The following PPP1R12B variants were observed in gnomAD, a reference collection of about 807,000 sequenced individuals.
PPP1R12B encodes protein phosphatase 1 regulatory subunit 12B.
In PPP1R12B, 76 loss-of-function variants were observed where a neutral mutation model predicts 126.1. That is an observed-to-expected ratio of 0.60 (90% confidence interval 0.50 to 0.73). The LOEUF is 0.73. Ranked by LOEUF, PPP1R12B falls within the 30% of genes least tolerant of loss-of-function variation. The pLI, the probability that PPP1R12B is intolerant of heterozygous loss-of-function variation, is 0.00. For missense variants in PPP1R12B, 1,052 were observed against 1,205.1 expected (o/e 0.87, Z 1.88); for synonymous variants, 356 against 434.7 (o/e 0.82, Z 2.25).
At chr1:202,576,238 C>G (rs1384850679) in intron 23 of PPP1R12B, 1 of 152,226 alleles carries the variant, frequency 6.6e-6, no homozygotes, top group Non-Finnish European at 1.5e-5. Context: ...GCTTGGCAAA[C>G]TGGATCCTTT....
chr1:202,522,710 A>AT (rs2148918477), intron 18 of PPP1R12B, among the ~76,000 whole-genome samples: 1 of 152,302 alleles, frequency 6.6e-6, no homozygotes, highest in South Asian at 2.1e-4. Flanking sequence ...AAATACAAGT[A>AT]TAAGACAGGA....
At chr1:202,382,882 A>T (rs924229209) in intron 1 of PPP1R12B, among the ~76,000 whole-genome samples, 1 of 152,074 alleles carries the variant, frequency 6.6e-6, no homozygotes, top group African/African-American at 2.4e-5. Flanking sequence ...TCTCAAAAAA[A>T]AAAAAAAGGT....
At chr1:202,468,166 T>A (rs1293486416) in intron 13 of PPP1R12B, among the ~76,000 whole-genome samples, 7 of 152,254 alleles carry the variant, frequency 4.6e-5, no homozygotes, top group East Asian at 1.9e-4. Flanking sequence ...TTCTCCCATT[T>A]TGTAGGTTGC....
At chr1:202,439,042 C>T in intron 10 of PPP1R12B, 1 of 1,379,812 alleles carries the variant, frequency 7.2e-7, no homozygotes, top group Non-Finnish European at 1.0e-6. Context: ...GGGCGGACTT[C>T]ATCCTGGCCG....
intron 12 of PPP1R12B, among the ~76,000 whole-genome samples, chr1:202,444,451 C>CTT (rs1235287221): frequency 6.2e-4 from 94 of 152,294 alleles, no homozygotes; most frequent in African/African-American, 2.1e-3. Context: ...AGACTTAAAA[C>CTT]TAAATCCTCC....
chr1:202,548,816 A>C (rs954219842), intron 18 of PPP1R12B, among the ~76,000 whole-genome samples: 3,399 of 120,078 alleles, frequency 0.028, 38 homozygotes, highest in African/African-American at 0.047. Flanking sequence ...CTCTATATAT[A>C]TATATATATA....
At chr1:202,490,157 G>A (rs1678668963) in intron 14 of PPP1R12B, among the ~76,000 whole-genome samples, 3 of 152,200 alleles carry the variant, frequency 2.0e-5, no homozygotes, top group Non-Finnish European at 4.4e-5. Flanking sequence ...CCATGAAACA[G>A]AACGAAAAGA....
chr1:202,366,396 G>A (rs1269677453), intron 1 of PPP1R12B, among the ~76,000 whole-genome samples: 1 of 151,814 alleles, frequency 6.6e-6, no homozygotes, highest in Non-Finnish European at 1.5e-5. Context: ...GCACATGCCT[G>A]TAATCCCAGC....
intron 18 of PPP1R12B, among the ~76,000 whole-genome samples, chr1:202,524,952 A>T (rs1014040405): frequency 1.3e-5 from 2 of 152,134 alleles, no homozygotes; most frequent in African/African-American, 4.8e-5. Flanking sequence ...ATCTTGGCTC[A>T]CTGCAACCTC....
intron 1 of PPP1R12B, among the ~76,000 whole-genome samples, chr1:202,398,841 C>T (rs1157781327): frequency 1.3e-5 from 2 of 152,150 alleles, no homozygotes; most frequent in African/African-American, 4.8e-5. Context: ...TGATGATTGA[C>T]TATTTCCTTA....
intron 19 of PPP1R12B, 73 bp downstream of exon 19, chr1:202,558,966 T>C: frequency 4.3e-6 from 6 of 1,406,714 alleles, no homozygotes; most frequent in Non-Finnish European, 5.8e-6. Context: ...AACTTAGCTT[T>C]ATATAATAAT....
intron 13 of PPP1R12B, among the ~76,000 whole-genome samples, chr1:202,464,877 T>C (rs1171982174): frequency 6.6e-6 from 1 of 152,184 alleles, no homozygotes; most frequent in Non-Finnish European, 1.5e-5. Flanking sequence ...TGAGTGTATA[T>C]TAAGGAATAA....
intron 1 of PPP1R12B, among the ~76,000 whole-genome samples, chr1:202,386,531 C>T (rs767789569): frequency 1.3e-5 from 2 of 151,626 alleles, no homozygotes; most frequent in Non-Finnish European, 2.9e-5. Flanking sequence ...CGGTGTTTCA[C>T]CGGGGTCTCG....
chr1:202,496,717 C>T, intron 17 of PPP1R12B, 64 bp from the exon 18 acceptor site: 1 of 1,461,430 alleles, frequency 6.8e-7, no homozygotes, highest in Non-Finnish European at 9.6e-7. Context: ...GGGATCTGAC[C>T]TTGTTGCTTT....
intron 1 of PPP1R12B, among the ~76,000 whole-genome samples, chr1:202,363,157 C>T (rs1339096631): frequency 6.6e-6 from 1 of 152,168 alleles, no homozygotes; most frequent in Non-Finnish European, 1.5e-5. Context: ...TTTAAACAGT[C>T]AAATGATCTG....
chr1:202,439,110 C>T (rs1671254494), intron 10 of PPP1R12B: 10 of 1,550,430 alleles, frequency 6.4e-6, no homozygotes, highest in Middle Eastern at 1.7e-4. Flanking sequence ...GTGGACATGA[C>T]GTTCGAGGAG....
At chr1:202,571,590 A>G (rs972052606) in intron 23 of PPP1R12B, among the ~76,000 whole-genome samples, 35 of 152,194 alleles carry the variant, frequency 2.3e-4, no homozygotes, top group African/African-American at 8.4e-4. Context: ...AGGAGCTGGG[A>G]CTAGTAGTGT....
intron 14 of PPP1R12B, among the ~76,000 whole-genome samples, chr1:202,490,671 T>C (rs915603886): frequency 5.3e-5 from 8 of 152,220 alleles, no homozygotes; most frequent in African/African-American, 1.9e-4. Context: ...GCTTCCACTT[T>C]CTGTCTATGA....
In PPP1R12B at chr1:202,586,533, A is replaced by G. The variant is rs1689821857; in HGVS notation, c.*5973A>G. Reference sequence around the variant, plus strand: ...GGAAGCAGTAGACCCTGTCAGGGACAGCTATTGATCTTTTGTGTTCTGATT... The same window carrying G: ...GGAAGCAGTAGACCCTGTCAGGGACGGCTATTGATCTTTTGTGTTCTGATT... On this transcript the variant is annotated 3_prime_UTR_variant, in exon 24 of 24. Coordinates refer to ENST00000608999, the MANE Select transcript of PPP1R12B (RefSeq NM_002481.4). 6.6e-6 allele frequency: 1 copy of G among 152,252 alleles called. No homozygotes were observed. The highest frequency in any genetic ancestry group is 2.1e-4 in the South Asian group (1 of 4,832). The allele number at this position is 152,252 out of a possible 1,614,324, so 9.4% of individuals were successfully genotyped here.
Sources: allele counts gnomAD v4.1 joint callset (sites outside exome capture counted in the v4.1 genomes callset), GRCh38; gene constraint gnomAD v4.1.1; transcripts MANE v1.5; gene names NCBI Gene and HGNC (gene_info 2026-07-23, HGNC 2026-07-21).